The following COQ5 variants were observed in gnomAD, a reference collection of about 807,000 sequenced individuals.
COQ5 encodes the protein 2-methoxy-6-polyprenyl-1,4-benzoquinol methylase, mitochondrial.
In COQ5, 27 loss-of-function variants were observed where a neutral mutation model predicts 40.5. The observed-to-expected ratio is 0.67, with a 90% CI of 0.49 to 0.92. The LOEUF is 0.92. Ranked by LOEUF, COQ5 falls within the 40% of genes least tolerant of loss-of-function variation. COQ5 has a pLI of 0.00. For missense variants in COQ5, 409 were observed against 406.4 expected (o/e 1.01, Z -0.06); for synonymous variants, 141 against 150.0 (o/e 0.94, Z 0.44).
chr12:120,520,679 C>T (rs890216732), intron 2 of COQ5, among the ~76,000 whole-genome samples: 1 of 151,974 alleles, frequency 6.6e-6, no homozygotes, highest in Non-Finnish European at 1.5e-5. Context: ...CCATGTTGGC[C>T]AGACTGGTCT....
intron 3 of COQ5, among the ~76,000 whole-genome samples, chr12:120,515,328 G>A (rs149635016): frequency 1.1e-3 from 172 of 151,886 alleles, no homozygotes; most frequent in Non-Finnish European, 2.0e-3. Context: ...GGCTTCAAGC[G>A]ATCCTTCACC....
At chr12:120,521,268 T>C (rs1258115928) in intron 2 of COQ5, among the ~76,000 whole-genome samples, 8 of 151,840 alleles carry the variant, frequency 5.3e-5, no homozygotes, top group South Asian at 4.2e-4. Flanking sequence ...GTTTTCACCA[T>C]GTTGGCCAGT....
intron 4 of COQ5, among the ~76,000 whole-genome samples, chr12:120,506,592 A>T (rs1023687562): frequency 1.3e-5 from 2 of 151,390 alleles, no homozygotes; most frequent in African/African-American, 2.4e-5. Context: ...GTCTTGAACT[A>T]GAGACTTCAG....
intron 4 of COQ5, among the ~76,000 whole-genome samples, chr12:120,506,230 G>C (rs1289325766): frequency 6.6e-6 from 1 of 152,120 alleles, no homozygotes; most frequent in Non-Finnish European, 1.5e-5. Context: ...CAACAGACCA[G>C]ACTAAGAATC....
Position 120,512,478 on chromosome 12 carries a change from G to C in COQ5, c.575-2355C>G, listed in dbSNP as rs910951558. On this transcript the variant is annotated intron_variant, in intron 3 of 6. Coordinates refer to ENST00000288532, the MANE Select transcript of COQ5 (RefSeq NM_032314.4). Reference sequence around the variant, plus strand: ...TAGCTGGGCTTGGTGGAGGGTGCCTGTAATCCCAGCTACTTGGGAGGCTGA... The same window carrying C: ...TAGCTGGGCTTGGTGGAGGGTGCCTCTAATCCCAGCTACTTGGGAGGCTGA... Among the ~76,000 whole-genome samples, 3 of 152,056 alleles carry C rather than the reference G, an allele frequency of 2.0e-5. No individual in the cohort carries two copies. The East Asian group carries it at 5.8e-4, about 30-fold the overall frequency.
At chr12:120,504,186 C>A in intron 5 of COQ5, 105 bp from the exon 6 acceptor site, 1 of 753,368 alleles carries the variant, frequency 1.3e-6, no homozygotes, top group African/African-American at 1.7e-5. Context: ...ACTCAAATGC[C>A]TATAGGGATC....
chr12:120,510,040 G>A lies in COQ5; in HGVS notation c.658C>T (p.Arg220Trp), dbSNP rs765957642. ...ACCTGATCAATGTGTGTGACATTCC[G>A]GATCCCAAAGGCAATGGTGTAAATA... is the stretch of plus-strand genomic sequence containing the variant. ...FDIYTIAFGI[R>W]NVTHIDQALQ... is the part of the protein sequence containing the mutation. Residue 220 changes from arginine (R) to tryptophan (W), a missense_variant, in exon 4 of 7, where the codon CGG (arginine) becomes TGG (tryptophan). Transcript: ENST00000288532. 2.0e-5 allele frequency: 33 copies of A among 1,613,742 alleles called. No individual in the cohort carries two copies. The East Asian group carries it at 2.7e-4, about 13-fold the overall frequency.
chr12:120,516,457 CTA>C, intron 3 of COQ5, 108 bp downstream of exon 3: 1 of 928,098 alleles, frequency 1.1e-6, no homozygotes, highest in Non-Finnish European at 1.8e-6. Context: ...ACCTGCCCAT[CTA>C]TAAGTTTCTG....
chr12:120,521,281 G>A (rs149690518), intron 2 of COQ5, among the ~76,000 whole-genome samples: 7,470 of 151,612 alleles, frequency 0.049, 278 homozygotes, highest in Non-Finnish European at 0.074. Flanking sequence ...TGGCCAGTCT[G>A]GTCTTGAACT....
intron 1 of COQ5, chr12:120,523,941 T>C (rs1297268500): frequency 4.7e-6 from 2 of 421,574 alleles, no homozygotes; most frequent in Non-Finnish European, 9.6e-6. Context: ...ACCTGGAAGG[T>C]AGAGGTTGCA....
intron 4 of COQ5, among the ~76,000 whole-genome samples, chr12:120,505,372 T>A (rs965324363): frequency 2.4e-4 from 36 of 152,218 alleles, no homozygotes; most frequent in East Asian, 5.8e-4. Context: ...TATTCACTTT[T>A]TTTTTTATTT....
intron 2 of COQ5, among the ~76,000 whole-genome samples, chr12:120,521,022 T>C (rs1291906824): frequency 1.3e-5 from 2 of 151,246 alleles, no homozygotes; most frequent in East Asian, 3.9e-4. Context: ...GATGGTGAAA[T>C]GTCACTGGTC....
intron 4 of COQ5, 36 bp downstream of exon 4, chr12:120,509,981 G>C (rs1426358339): frequency 1.3e-6 from 2 of 1,500,856 alleles, no homozygotes; most frequent in South Asian, 2.3e-5. Context: ...GTAATTTCCT[G>C]AGAGTCATAC....
chr12:120,520,489 C>A (rs1281812104), intron 2 of COQ5, among the ~76,000 whole-genome samples: 3 of 152,004 alleles, frequency 2.0e-5, no homozygotes. Flanking sequence ...CCACAACCGA[C>A]CAATTTTTGT....
chr12:120,509,565 G>A (rs1869033008), intron 4 of COQ5, among the ~76,000 whole-genome samples: 2 of 152,130 alleles, frequency 1.3e-5, no homozygotes, highest in African/African-American at 4.8e-5. Context: ...AAAGGCCAGA[G>A]CAAGACAAAT....
Position 120,521,064 on chromosome 12 carries a change from GTTTT to G in COQ5, c.352+1146_352+1149del, listed in dbSNP as rs35534303. ...TTGACTTTTTCCTTTGTAATCCTGC[GTTTT>G]TTTTTTTTTTTTTTTGAGACGGAAT... On this transcript the variant is annotated intron_variant, in intron 2 of 6. Transcript: ENST00000288532. 6.5e-5 allele frequency among the ~76,000 whole-genome samples: 8 copies of G among 123,712 alleles called. No individual in the cohort carries two copies. The East Asian group carries it at 8.8e-4, about 14-fold the overall frequency. 81.2% of individuals were successfully genotyped at this position (123,712 alleles called of 152,430 possible).
At chr12:120,522,769 G>A (rs1869732364) in intron 1 of COQ5, 1 of 658,794 alleles carries the variant, frequency 1.5e-6, no homozygotes, top group African/African-American at 1.8e-5. Context: ...GACATAGCTT[G>A]AGCCCCTTGG....
At chr12:120,504,364 T>A (rs1283240529) in intron 5 of COQ5, among the ~76,000 whole-genome samples, 7 of 151,238 alleles carry the variant, frequency 4.6e-5, no homozygotes, top group Non-Finnish European at 1.0e-4. Context: ...ATTTCTCAAG[T>A]GAAGCTGGAA....
chr12:120,508,349 T>C (rs767154611), intron 4 of COQ5, among the ~76,000 whole-genome samples: 62 of 151,890 alleles, frequency 4.1e-4, no homozygotes, highest in Admixed American at 2.8e-3. Flanking sequence ...ATCACGTTAC[T>C]GTACTCCAGC....
Sources: gnomAD v4.1 joint callset for allele counts (sites outside exome capture counted in the v4.1 genomes callset) on GRCh38, gnomAD v4.1.1 for gene constraint, MANE v1.5 for transcripts, NCBI Gene and HGNC (gene_info 2026-07-23, HGNC 2026-07-21) for gene names.